The following HOXA3 variants were observed in gnomAD, a reference collection of about 807,000 sequenced individuals.
HOXA3 encodes homeobox A3.
A neutral mutation model predicts 30.3 loss-of-function variants in HOXA3; 8 were observed. The ratio of observed to expected loss-of-function variants is 0.26; its 90% CI spans 0.15 to 0.48. The LOEUF (loss-of-function observed/expected upper bound fraction) is 0.48. Ranked by LOEUF, HOXA3 falls within the 20% of genes least tolerant of loss-of-function variation. HOXA3 has a pLI of 0.99. For missense variants in HOXA3, 653 were observed against 614.4 expected (o/e 1.06, Z -0.66); for synonymous variants, 323 against 273.1 (o/e 1.18, Z -1.80).
chr7:27,110,579 G>T lies in HOXA3; in HGVS notation c.62C>A (p.Ala21Asp), dbSNP rs1236976167. The change falls in exon 5 of 6, where the codon GCC becomes GAC. Residue 21 changes from alanine to aspartate, a missense_variant. Physicochemically the swap from Ala to Asp is moderately radical, Grantham distance 126. This residue lies in a region of HOXA3 where 320 missense variants were observed against 321.9 expected (regional missense o/e 0.99). Coordinates refer to ENST00000612286, the MANE Select transcript of HOXA3 (RefSeq NM_153631.3). ...ATTGGCATTATAAGCGAACCCGTTG[G>T]CTGCCTGGTAGGGGTAGCCACCGTA... is the stretch of plus-strand genomic sequence containing the variant. Reference protein sequence around the residue: ...AIYGGYPYQAANGFAYNANQQ... With the variant: ...AIYGGYPYQADNGFAYNANQQ... The T allele has an allele frequency of 3.1e-6, 5 of 1,607,578 alleles. No homozygotes were observed. In the African/African-American group the frequency reaches 5.3e-5, roughly 17 times the overall value.
At position 27,108,766 on chromosome 7, in the gene HOXA3, C is replaced by T; in HGVS notation, c.527-46G>A. ...AGAGCGGCGTCAGGGGCTGCCGCGG[C>T]CCCGCCCAGCCCCTGACCCAGCCCG... On this transcript the variant is annotated intron_variant, in intron 5 of 5. Coordinates refer to ENST00000612286, the MANE Select transcript of HOXA3 (RefSeq NM_153631.3). This position sits in a 1 kb window ranked among gnomAD's most constrained non-coding sequence, Gnocchi z 5.0. 7.0e-7 allele frequency: 1 copy of T among 1,422,350 alleles called. No homozygotes were observed. The highest frequency in any genetic ancestry group is 1.4e-5 in the African/African-American group (1 of 70,044). 88.1% of individuals were successfully genotyped at this position (1,422,350 alleles called of 1,614,324 possible).
At chr7:27,129,830 T>C in intron 2 of HOXA3, 1 of 607,568 alleles carries the variant, frequency 1.6e-6, no homozygotes, top group Non-Finnish European at 2.9e-6. Flanking sequence ...ACACATGGCC[T>C]GAAGCCTCTG....
intron 1 of HOXA3, chr7:27,147,648 CG>C: frequency 6.2e-7 from 1 of 1,614,186 alleles, no homozygotes; most frequent in Non-Finnish European, 8.5e-7. Flanking sequence ...AGGGCCTCAG[CG>C]CGTCATAGCC....
At chr7:27,139,866 C>T (rs1016150617) in intron 2 of HOXA3, among the ~76,000 whole-genome samples, 13 of 152,128 alleles carry the variant, frequency 8.5e-5, no homozygotes, top group African/African-American at 2.9e-4. Flanking sequence ...TAAAGTTAGG[C>T]CTGGGGATGC....
intron 2 of HOXA3, among the ~76,000 whole-genome samples, chr7:27,139,533 C>T (rs1306437366): frequency 6.6e-6 from 1 of 152,246 alleles, no homozygotes; most frequent in Non-Finnish European, 1.5e-5. Flanking sequence ...GCCAAATGAC[C>T]CCGGCCCGCG....
Position 27,143,985 on chromosome 7 carries a change from A to G in HOXA3, c.-493-3799T>C, listed in dbSNP as rs144984264. On this transcript the variant is annotated intron_variant, in intron 1 of 5. Coordinates refer to ENST00000612286, the MANE Select transcript of HOXA3 (RefSeq NM_153631.3). ...GGCTGCAAGGGCCGGGGTCGAATTG[A>G]GGTTACAGCCCATTATGGCAAAATT... 8.3e-4 allele frequency among the ~76,000 whole-genome samples: 126 copies of G among 152,312 alleles called. 1 individual carries two copies. Among genetic ancestry groups the G allele is most frequent in the African/African-American group, 2.9e-3 (119 of 41,572 alleles).
chr7:27,112,900 T>A (rs898750921), intron 4 of HOXA3, among the ~76,000 whole-genome samples: 1 of 152,218 alleles, frequency 6.6e-6, no homozygotes, highest in East Asian at 1.9e-4. Context: ...TCTTACAAAA[T>A]AACAAAAATA....
At chr7:27,127,670 T>C (rs1785344106) in intron 2 of HOXA3, among the ~76,000 whole-genome samples, 1 of 152,176 alleles carries the variant, frequency 6.6e-6, no homozygotes, top group Non-Finnish European at 1.5e-5. Context: ...TCTAAATCAG[T>C]AAACAAATAC....
In HOXA3 at chr7:27,130,454, C is replaced by T; in HGVS notation, c.-389-3384G>A. Reference sequence around the variant, plus strand: ...TAGGGGTAGGCGGTGTCCGCGGCCCCATGCGCGGGGTACAGCGCGGCAGCA... The same window carrying T: ...TAGGGGTAGGCGGTGTCCGCGGCCCTATGCGCGGGGTACAGCGCGGCAGCA... On this transcript the variant is annotated intron_variant, in intron 2 of 5. Transcript: ENST00000612286. 8.2e-7 allele frequency: 1 copy of T among 1,224,582 alleles called. No homozygotes were observed. The highest frequency in any genetic ancestry group is 1.0e-6 in the Non-Finnish European group (1 of 983,686). The allele number at this position is 1,224,582 out of a possible 1,614,324, so 75.9% of individuals were successfully genotyped here. A position where few individuals can be genotyped will look rare whatever the true frequency, so the allele number is the denominator to read the frequency against.
At position 27,148,013 on chromosome 7, in the gene HOXA3, C is replaced by T. The variant is rs867907475; in HGVS notation, c.-494+4275G>A. 1.3e-3 allele frequency among the ~76,000 whole-genome samples: 197 copies of T among 152,370 alleles called. 3 individuals carry two copies. Among genetic ancestry groups the T allele is most frequent in the African/African-American group, 4.6e-3 (193 of 41,590 alleles). ...CGCCCGGCAGATTAATGGGCGCGCA[C>T]AGCTAGCCGGCCCGGCTCTCTTCCC... On this transcript the variant is annotated intron_variant, in intron 1 of 5. Coordinates refer to ENST00000612286, the MANE Select transcript of HOXA3 (RefSeq NM_153631.3).
chr7:27,136,169 G>A (rs1056096518), intron 2 of HOXA3, among the ~76,000 whole-genome samples: 2 of 152,164 alleles, frequency 1.3e-5, no homozygotes, highest in Non-Finnish European at 2.9e-5. Context: ...CAGTTGTAAC[G>A]CACTAACCGC....
At chr7:27,143,380 G>A in intron 1 of HOXA3, 2 of 1,596,166 alleles carry the variant, frequency 1.3e-6, no homozygotes, top group Non-Finnish European at 8.5e-7. Flanking sequence ...CCGCGCTGGC[G>A]CTGGCAGCGT....
intron 2 of HOXA3, chr7:27,130,674 G>A (rs893637605): frequency 1.2e-6 from 2 of 1,607,866 alleles, no homozygotes; most frequent in East Asian, 4.5e-5. Context: ...CGTACTCCTC[G>A]AAGGGAGGGA....
rs1159204167 is a variant in HOXA3 at position 27,152,276 on chromosome 7, C to G, written c.-494+12G>C. On this transcript the variant is annotated intron_variant, in intron 1 of 5. Coordinates refer to ENST00000612286, the MANE Select transcript of HOXA3 (RefSeq NM_153631.3). Reference sequence around the variant, plus strand: ...ACCACCTTTGCTCCTATCTCCTCCCCACATGTCTCACCTTCAGACGGTGGC... The same window carrying G: ...ACCACCTTTGCTCCTATCTCCTCCCGACATGTCTCACCTTCAGACGGTGGC... 4 of 1,279,884 alleles carry G rather than the reference C, an allele frequency of 3.1e-6. No individual in the cohort carries two copies. The African/African-American group carries it at 4.6e-5, about 15-fold the overall frequency. The allele number at this position is 1,279,884 out of a possible 1,614,324, so 79.3% of individuals were successfully genotyped here.
rs1268048341 is a variant in HOXA3 at position 27,107,587 on chromosome 7, C to T, written c.*328G>A. ...TAAGAACAAATTCACATTGAAAACTCGACTAGAAAATTTGTTCATATACCC... is the reference window on the plus strand; with the variant it reads ...TAAGAACAAATTCACATTGAAAACTTGACTAGAAAATTTGTTCATATACCC... On this transcript the variant is annotated 3_prime_UTR_variant, in exon 6 of 6. Transcript: ENST00000612286. 1.1e-5 allele frequency: 3 copies of T among 264,476 alleles called. No homozygotes were observed. Among genetic ancestry groups the T allele is most frequent in the Non-Finnish European group, 2.1e-5 (3 of 141,910 alleles). The allele number at this position is 264,476 out of a possible 1,614,324, so 16.4% of individuals were successfully genotyped here.
intron 5 of HOXA3, 151 bp downstream of exon 5, chr7:27,109,963 AG>A (rs1326130526): frequency 1.1e-6 from 1 of 916,262 alleles, no homozygotes; most frequent in Non-Finnish European, 1.7e-6. Flanking sequence ...TAAGTTGCAA[AG>A]ACTATGAAAA....
At chr7:27,129,851 T>G (rs1785445373) in intron 2 of HOXA3, 7 of 606,390 alleles carry the variant, frequency 1.2e-5, no homozygotes, top group South Asian at 1.0e-4. Context: ...CCAGGGCAAT[T>G]AAATTTATGG....
chr7:27,112,334 A>G (rs1200412721), intron 4 of HOXA3, among the ~76,000 whole-genome samples: 1 of 151,730 alleles, frequency 6.6e-6, no homozygotes, highest in African/African-American at 2.4e-5. Flanking sequence ...TGTTAACTAG[A>G]AAAAAAAAGA....
chr7:27,133,171 G>A (rs888899655), intron 2 of HOXA3, among the ~76,000 whole-genome samples: 1 of 152,116 alleles, frequency 6.6e-6, no homozygotes, highest in African/African-American at 2.4e-5. Context: ...TCTCAACACC[G>A]ACATTTTGAC....
Sources: allele counts gnomAD v4.1 joint callset (sites outside exome capture counted in the v4.1 genomes callset), GRCh38; gene constraint gnomAD v4.1.1; regional missense constraint gnomAD v4.1.1; non-coding constraint Gnocchi (gnomAD v3.1); transcripts MANE v1.5; gene names NCBI Gene and HGNC (gene_info 2026-07-23, HGNC 2026-07-21).